The following TSPAN31 variants were observed in gnomAD, a reference collection of about 807,000 sequenced individuals.
TSPAN31 encodes tetraspanin 31, also known as tetraspanin-31.
A neutral mutation model predicts 24.8 loss-of-function variants in TSPAN31; 16 were observed. That is an observed-to-expected ratio of 0.64 (90% CI 0.44 to 0.98). TSPAN31 has a LOEUF of 0.98. Among genes scored for constraint, TSPAN31 ranks in the 50% least tolerant of loss-of-function variants. TSPAN31 has a pLI of 0.00. For synonymous variants in TSPAN31, 87 were observed against 91.4 expected (o/e 0.95, Z 0.27); for missense variants, 209 against 251.6 (o/e 0.83, Z 1.15).
At position 57,747,357 on chromosome 12, in the gene TSPAN31, C is replaced by A; in HGVS notation, c.*67C>A. The A allele has an allele frequency of 6.8e-7, 1 of 1,460,844 alleles. No homozygotes were observed. The allele number at this position is 1,460,844 out of a possible 1,614,324, so 90.5% of individuals were successfully genotyped here. On this transcript the variant is annotated 3_prime_UTR_variant, in exon 6 of 6. Transcript: ENST00000257910. The stretch of plus-strand genomic sequence containing the variant: ...TTTCTCTTCCTCCCTTAGGGAATAT[C>A]TAGGGTCTGTAACCGTTTTGGTTTG...
At chr12:57,746,037 A>C (rs1293274609) in intron 2 of TSPAN31, 125 bp downstream of exon 2, 1 of 1,458,066 alleles carries the variant, frequency 6.9e-7, no homozygotes, top group African/African-American at 1.4e-5. Flanking sequence ...CCTGTCCCAT[A>C]ATCTACGAAA....
rs372537329 is a variant in TSPAN31 at position 57,745,730 on chromosome 12, G to A, written c.64-15G>A. 6.4e-5 allele frequency: 104 copies of A among 1,613,854 alleles called. No homozygotes were observed. The highest frequency in any genetic ancestry group is 8.6e-5 in the Non-Finnish European group (102 of 1,179,984). ...TGCTAGAATTGTTGAGATGTATCCT[G>A]CTCTTTCTTCGTAGCTGGTGAGCTT... On this transcript the variant is annotated splice_polypyrimidine_tract_variant and intron_variant, in intron 1 of 5. Coordinates refer to ENST00000257910, the MANE Select transcript of TSPAN31 (RefSeq NM_005981.5).
intron 1 of TSPAN31, chr12:57,745,530 C>A: frequency 3.2e-6 from 2 of 629,322 alleles, no homozygotes; most frequent in Admixed American, 3.0e-5. Context: ...TGCATTCATA[C>A]TACCATCCCT....
Position 57,749,614 on chromosome 12 carries a change from TC to T in TSPAN31, c.*2326del. The T allele has an allele frequency of 9.4e-7, 1 of 1,066,796 alleles. No individual in the cohort carries two copies. The highest frequency in any genetic ancestry group is 1.4e-6 in the Non-Finnish European group (1 of 700,038). 66.1% of individuals were successfully genotyped at this position (1,066,796 alleles called of 1,614,324 possible). A position where few individuals can be genotyped will look rare whatever the true frequency, so the allele number is the denominator to read the frequency against. Reference sequence around the variant, plus strand: ...AGTATAGGGAATAAAGGCCAACAATTCCAGCACTTTGGGATGCTGAGGTGAG... The same window carrying T: ...AGTATAGGGAATAAAGGCCAACAATTCAGCACTTTGGGATGCTGAGGTGAG... On this transcript the variant is annotated 3_prime_UTR_variant, in exon 6 of 6. Transcript: ENST00000257910.
intron 1 of TSPAN31, 97 bp downstream of exon 1, chr12:57,745,314 C>A (rs765171384): frequency 3.8e-5 from 52 of 1,354,132 alleles, no homozygotes; most frequent in Non-Finnish European, 5.1e-5. Flanking sequence ...TATGGGGGTT[C>A]CGGGAAGATT....
chr12:57,746,092 T>C, intron 2 of TSPAN31, 84 bp from the exon 3 acceptor site: 1 of 1,460,806 alleles, frequency 6.8e-7, no homozygotes, highest in Non-Finnish European at 9.5e-7. Context: ...GTGGTGTAAG[T>C]TCTATGAACA....
In TSPAN31 at chr12:57,749,670, C is replaced by T. The variant is rs1258580936; in HGVS notation, c.*2380C>T. 1.1e-5 allele frequency: 8 copies of T among 701,616 alleles called. No homozygotes were observed. Among genetic ancestry groups the T allele is most frequent in the Non-Finnish European group, 1.8e-5 (7 of 390,590 alleles). The allele number at this position is 701,616 out of a possible 1,614,324, so 43.5% of individuals were successfully genotyped here. On this transcript the variant is annotated 3_prime_UTR_variant, in exon 6 of 6. Coordinates refer to ENST00000257910, the MANE Select transcript of TSPAN31 (RefSeq NM_005981.5). The stretch of plus-strand genomic sequence containing the variant: ...CTGCTTGAGCCCAGGAGTTCTAGAT[C>T]AGCCTGGGCAAGCAAGACCTTGTCT...
rs1441195235 is a variant in TSPAN31, at chr12:57,747,659, A to C, written c.*369A>C. 3 of 185,404 alleles carry C rather than the reference A, an allele frequency of 1.6e-5. No individual in the cohort carries two copies. Among genetic ancestry groups the C allele is most frequent in the African/African-American group, 2.3e-5 (1 of 42,610 alleles). 11.5% of individuals were successfully genotyped at this position (185,404 alleles called of 1,614,324 possible). A position where few individuals can be genotyped will look rare whatever the true frequency, so the allele number is the denominator to read the frequency against. ...TCAGGGATAGGGCCAAGGAGAAAAC[A>C]ACCAAGAACTCTTTCCTGTAATAAG... On this transcript the variant is annotated 3_prime_UTR_variant, in exon 6 of 6. Transcript: ENST00000257910.
Position 57,749,786 on chromosome 12 carries a change from C to CAAG in TSPAN31, c.*2498_*2500dup. 2.0e-6 allele frequency: 1 copy of CAAG among 490,410 alleles called. No individual in the cohort carries two copies. Among genetic ancestry groups the CAAG allele is most frequent in the South Asian group, 2.1e-5 (1 of 46,912 alleles). 30.4% of individuals were successfully genotyped at this position (490,410 alleles called of 1,614,324 possible). A position where few individuals can be genotyped will look rare whatever the true frequency, so the allele number is the denominator to read the frequency against. ...GTCTGATGTGGGTGGATCATGAGGT[C>CAAG]AAGAGATCGAGACCATCCTGGCCAA... On this transcript the variant is annotated 3_prime_UTR_variant, in exon 6 of 6. Transcript: ENST00000257910.
chr12:57,745,146 G>T lies in TSPAN31; in HGVS notation c.-9G>T. ...CCTTGGGACCACTTGGGTCCCCAGA[G>T]CTGGGGAGATGGTTTGTGGCGGCTT... On this transcript the variant is annotated 5_prime_UTR_variant, in exon 1 of 6. Coordinates refer to ENST00000257910, the MANE Select transcript of TSPAN31 (RefSeq NM_005981.5). 1 of 1,600,082 alleles carries T rather than the reference G, an allele frequency of 6.2e-7. No individual in the cohort carries two copies. Among genetic ancestry groups the T allele is most frequent in the South Asian group, 1.1e-5 (1 of 88,628 alleles).
At chr12:57,746,468 A>G (rs1176170272) in intron 3 of TSPAN31, 121 bp from the exon 4 acceptor site, 3 of 1,317,090 alleles carry the variant, frequency 2.3e-6, no homozygotes, top group Non-Finnish European at 3.3e-6. Flanking sequence ...TATCGTGTCT[A>G]TAATTGTTGC....
Position 57,748,541 on chromosome 12 carries a change from T to C in TSPAN31, c.*1251T>C, listed in dbSNP as rs771234928. ...CTCCATTGCTCACTCCGGATTACCT[T>C]CATCCTTATGTAGATAAGAGTGCTG... On this transcript the variant is annotated 3_prime_UTR_variant, in exon 6 of 6. Transcript: ENST00000257910. 3.7e-6 allele frequency: 6 copies of C among 1,612,674 alleles called. No homozygotes were observed.
At position 57,749,114 on chromosome 12, in the gene TSPAN31, C is replaced by G. The variant is rs1013477812; in HGVS notation, c.*1824C>G. ...TTCATTAACCACAGTGGCCAGGGCC[C>G]TGCATACTGCTCTATTTCTTTCCCC... On this transcript the variant is annotated 3_prime_UTR_variant, in exon 6 of 6. Transcript: ENST00000257910. The G allele has an allele frequency of 5.0e-6, 8 of 1,596,508 alleles. No individual in the cohort carries two copies. The highest frequency in any genetic ancestry group is 2.2e-5 in the East Asian group (1 of 44,786).
rs1044855755 is a variant in TSPAN31 at position 57,747,450 on chromosome 12, A to G, written c.*160A>G. 1 of 630,542 alleles carries G rather than the reference A, an allele frequency of 1.6e-6. No homozygotes were observed. The highest frequency in any genetic ancestry group is 3.0e-5 in the Admixed American group (1 of 33,518). The allele number at this position is 630,542 out of a possible 1,614,324, so 39.1% of individuals were successfully genotyped here. ...GAATAGCAAGACTTTATGCCTTGAC[A>G]TATTTTAGTGGGAGCCAGACTATAA... is the stretch of plus-strand genomic sequence containing the variant. On this transcript the variant is annotated 3_prime_UTR_variant, in exon 6 of 6. Coordinates refer to ENST00000257910, the MANE Select transcript of TSPAN31 (RefSeq NM_005981.5).
intron 4 of TSPAN31, 62 bp from the exon 5 acceptor site, chr12:57,746,956 T>C (rs1955162412): frequency 1.4e-6 from 2 of 1,460,796 alleles, no homozygotes; most frequent in Middle Eastern, 1.7e-4. Context: ...ACATTCGGCA[T>C]AGGTATTAGT....
chr12:57,748,736 C>G lies in TSPAN31; in HGVS notation c.*1446C>G. On this transcript the variant is annotated 3_prime_UTR_variant, in exon 6 of 6. Transcript: ENST00000257910. The stretch of plus-strand genomic sequence containing the variant: ...TTTTTTTTTTTTTGAGACGGAGTCT[C>G]GCTCTATCACCCAGGCTGGAGTGCA... 1 of 716,168 alleles carries G rather than the reference C, an allele frequency of 1.4e-6. No individual in the cohort carries two copies. Among genetic ancestry groups the G allele is most frequent in the South Asian group, 1.5e-5 (1 of 66,754 alleles). The allele number at this position is 716,168 out of a possible 1,614,324, so 44.4% of individuals were successfully genotyped here. A position where few individuals can be genotyped will look rare whatever the true frequency, so the allele number is the denominator to read the frequency against.
Position 57,750,166 on chromosome 12 carries a change from A to C in TSPAN31, c.*2876A>C, listed in dbSNP as rs1282958142. On this transcript the variant is annotated 3_prime_UTR_variant, in exon 6 of 6. Transcript: ENST00000257910. Reference sequence around the variant, plus strand: ...GAAACCTTATCTCAATAAATAAATAAATAAATAAATAAATAAATAAATAAA... The same window carrying C: ...GAAACCTTATCTCAATAAATAAATACATAAATAAATAAATAAATAAATAAA... The C allele has an allele frequency of 2.6e-5, 2 of 76,612 alleles. No individual in the cohort carries two copies. The highest frequency in any genetic ancestry group is 6.3e-5 in the Non-Finnish European group (2 of 31,526). 4.7% of individuals were successfully genotyped at this position (76,612 alleles called of 1,614,324 possible). A position where few individuals can be genotyped will look rare whatever the true frequency, so the allele number is the denominator to read the frequency against.
Position 57,748,383 on chromosome 12 carries a change from G to A in TSPAN31, c.*1093G>A. 1.3e-6 allele frequency: 1 copy of A among 747,442 alleles called. No homozygotes were observed. The highest frequency in any genetic ancestry group is 1.4e-5 in the South Asian group (1 of 72,990). The allele number at this position is 747,442 out of a possible 1,614,324, so 46.3% of individuals were successfully genotyped here. The stretch of plus-strand genomic sequence containing the variant: ...TCAAAAGGAGAGGTGGGAGGGGAAT[G>A]TCATTAAGGCAGCAAAGTAATCTCT... On this transcript the variant is annotated 3_prime_UTR_variant, in exon 6 of 6. Transcript: ENST00000257910.
At position 57,747,395 on chromosome 12, in the gene TSPAN31, G is replaced by C; in HGVS notation, c.*105G>C. The C allele has an allele frequency of 3.0e-6, 3 of 1,005,262 alleles. No homozygotes were observed. Among genetic ancestry groups the C allele is most frequent in the Middle Eastern group, 2.7e-4 (1 of 3,752 alleles). The allele number at this position is 1,005,262 out of a possible 1,614,324, so 62.3% of individuals were successfully genotyped here. On this transcript the variant is annotated 3_prime_UTR_variant, in exon 6 of 6. Transcript: ENST00000257910. The stretch of plus-strand genomic sequence containing the variant: ...CCGTTTTGGTTTGAGAAAAAGGAAA[G>C]GCCCCTTGTCACATCCTCTAAAATT...
Sources: gnomAD v4.1 joint callset for allele counts on GRCh38, gnomAD v4.1.1 for gene constraint, MANE v1.5 for transcripts, NCBI Gene and HGNC (gene_info 2026-07-23, HGNC 2026-07-21) for gene names.